The following PCDHA5 variants were observed in gnomAD, a reference collection of about 807,000 sequenced individuals.
PCDHA5 encodes the protein protocadherin alpha 5, also known as protocadherin alpha-5.
A neutral mutation model predicts 61.6 loss-of-function variants in PCDHA5; 43 were observed. The ratio of observed to expected loss-of-function variants is 0.70; its 90% confidence interval spans 0.55 to 0.90. The LOEUF (loss-of-function observed/expected upper bound fraction) is 0.90. Among genes scored for constraint, PCDHA5 ranks in the 40% least tolerant of loss-of-function variants. The pLI is 0.00. For synonymous variants in PCDHA5, 627 were observed against 543.9 expected, an observed-to-expected ratio of 1.15 and a Z score of -2.13; for missense variants, 1,298 against 1,222.7, an observed-to-expected ratio of 1.06 and a Z score of -0.92.
At chr5:140,862,318 A>C (rs2153223303) in intron 1 of PCDHA5, 1 of 317,904 alleles carries the variant, frequency 3.1e-6, no homozygotes, top group African/African-American at 2.2e-5. Context: ...TCATAGCCCT[A>C]ATCAGTGTAA....
chr5:140,916,717 T>C (rs781839792), intron 1 of PCDHA5, among the ~76,000 whole-genome samples: 1 of 151,908 alleles, frequency 6.6e-6, no homozygotes, highest in South Asian at 2.1e-4. Flanking sequence ...AAGGAAGGAG[T>C]GACTTTTGTT....
In PCDHA5 at chr5:140,823,251, G is replaced by A. The variant is rs2150123936; in HGVS notation, c.1476G>A (p.Ser492=). The A allele has an allele frequency of 2.1e-5, 34 of 1,613,318 alleles. No individual in the cohort carries two copies. The highest frequency in any genetic ancestry group is 2.5e-5 in the Non-Finnish European group (29 of 1,179,788). Reference sequence around the variant, plus strand: ...AGGAGAACGCCCTGGTGTCCTACTCGCTGGTGGAGCGGCGGGTGGGCGAGC... The same window carrying A: ...AGGAGAACGCCCTGGTGTCCTACTCACTGGTGGAGCGGCGGGTGGGCGAGC... ...DAQENALVSY[S]LVERRVGERP... The change falls in exon 1 of 4, where the codon TCG becomes TCA. Residue 492 remains serine, a synonymous_variant. Coordinates refer to ENST00000529859, the MANE Select transcript of PCDHA5 (RefSeq NM_018908.3).
chr5:140,928,351 G>A lies in PCDHA5; in HGVS notation c.2353-50598G>A, dbSNP rs201396871. ...CCTTGTCTCTTATGAGCTGTTGGAT[G>A]TTATCTCTGAAGGGCCATCAGCCTC... On this transcript the variant is annotated intron_variant, in intron 1 of 3. Coordinates refer to ENST00000529859, the MANE Select transcript of PCDHA5 (RefSeq NM_018908.3). The A allele has an allele frequency of 1.2e-5, 20 of 1,614,150 alleles. No individual in the cohort carries two copies. In the East Asian group the frequency reaches 4.5e-4, roughly 36 times the overall value.
At chr5:140,891,827 A>G (rs943963989) in intron 1 of PCDHA5, among the ~76,000 whole-genome samples, 1 of 152,212 alleles carries the variant, frequency 6.6e-6, no homozygotes, top group Non-Finnish European at 1.5e-5. Flanking sequence ...ACGGCACTGT[A>G]AAAGGACTTG....
chr5:140,832,681 A>C (rs1347638323), intron 1 of PCDHA5, among the ~76,000 whole-genome samples: 2 of 152,234 alleles, frequency 1.3e-5, no homozygotes, highest in Non-Finnish European at 1.5e-5. Flanking sequence ...GAATCATCGA[A>C]TTAACAAGAC....
At position 140,869,428 on chromosome 5, in the gene PCDHA5, A is replaced by G. The variant is rs781860422; in HGVS notation, c.2352+45301A>G. The G allele has an allele frequency of 9.3e-6, 15 of 1,614,214 alleles. No individual in the cohort carries two copies. In the South Asian group the frequency reaches 1.6e-4, roughly 18 times the overall value. On this transcript the variant is annotated intron_variant, in intron 1 of 3. Transcript: ENST00000529859. The stretch of plus-strand genomic sequence containing the variant: ...GGAGTGCAGCATCCACCTGGAGGTG[A>G]TCGTGGACAGGCCGCTGCAGGTTTT...
intron 1 of PCDHA5, chr5:140,928,283 T>C (rs782493603): frequency 4.3e-6 from 7 of 1,614,178 alleles, no homozygotes; most frequent in Non-Finnish European, 5.1e-6. Flanking sequence ...GGGGCCTCTC[T>C]AGGCCGAGTG....
At chr5:140,928,532 A>G (rs781788985) in intron 1 of PCDHA5, 42 of 1,614,110 alleles carry the variant, frequency 2.6e-5, no homozygotes, top group Middle Eastern at 1.6e-4. Flanking sequence ...TTTGTGGTAG[A>G]TAGGAATGAC....
chr5:140,914,944 C>CT (rs35695909), intron 1 of PCDHA5, among the ~76,000 whole-genome samples: 3,966 of 128,238 alleles, frequency 0.031, 97 homozygotes, highest in Middle Eastern at 0.041. Context: ...GAAAAGTTGT[C>CT]TTTTTTTTTT....
intron 1 of PCDHA5, among the ~76,000 whole-genome samples, chr5:140,881,674 T>C (rs782706305): frequency 5.3e-5 from 8 of 152,254 alleles, no homozygotes; most frequent in Non-Finnish European, 1.0e-4. Context: ...TCTTATGTGA[T>C]TGTTATGTTT....
At chr5:140,942,913 G>T (rs1467978300) in intron 1 of PCDHA5, among the ~76,000 whole-genome samples, 1 of 148,868 alleles carries the variant, frequency 6.7e-6, no homozygotes, top group South Asian at 2.1e-4. Flanking sequence ...TAAGCGTGAA[G>T]AAAAAAAAAA....
rs1767306523 is a variant in PCDHA5 at position 140,822,420 on chromosome 5, TGGA to T, written c.649_651del (p.Gly217del). The T allele has an allele frequency of 6.2e-7, 1 of 1,613,970 alleles. No individual in the cohort carries two copies. Among genetic ancestry groups the T allele is most frequent in the Non-Finnish European group, 8.5e-7 (1 of 1,180,044 alleles). On this transcript the variant is annotated inframe_deletion, in exon 1 of 4. Transcript: ENST00000529859. Reference sequence around the variant, plus strand: ...ACCGTTTATTAGTGATTGCAACTGATGGAGGAAAACCCGAACTAACAGGTACAG... The same window carrying T: ...ACCGTTTATTAGTGATTGCAACTGATGGAAAACCCGAACTAACAGGTACAG...
chr5:140,969,037 C>T (rs1554231375), intron 1 of PCDHA5: 1 of 1,614,158 alleles, frequency 6.2e-7, no homozygotes, highest in South Asian at 1.1e-5. Flanking sequence ...CAGAACTGTA[C>T]AAACAAGCCA....
At chr5:140,875,905 T>A (rs1554168057) in intron 1 of PCDHA5, 1 of 1,614,222 alleles carries the variant, frequency 6.2e-7, no homozygotes, top group Admixed American at 1.7e-5. Flanking sequence ...TGTTTCTGAA[T>A]CTGCGCCTCT....
chr5:140,884,020 G>C (rs61734917), intron 1 of PCDHA5: 236 of 1,613,292 alleles, frequency 1.5e-4, no homozygotes, highest in Non-Finnish European at 1.9e-4. Flanking sequence ...TGCCGCGGTC[G>C]GTGGGTGCAG....
Position 140,848,325 on chromosome 5 carries a change from T to C in PCDHA5, c.2352+24198T>C, listed in dbSNP as rs1279729115. On this transcript the variant is annotated intron_variant, in intron 1 of 3. Transcript: ENST00000529859. Reference sequence around the variant, plus strand: ...TGTCACTCTTTGCCGCGATGTTCTCTCTGAATCCAGACAAATACAGCCCTT... The same window carrying C: ...TGTCACTCTTTGCCGCGATGTTCTCCCTGAATCCAGACAAATACAGCCCTT... The C allele has an allele frequency of 5.0e-6, 4 of 803,094 alleles. 1 individual carries two copies. The highest frequency in any genetic ancestry group is 2.0e-6 in the Non-Finnish European group (1 of 498,510). The allele number at this position is 803,094 out of a possible 1,614,324, so 49.7% of individuals were successfully genotyped here. A position where few individuals can be genotyped will look rare whatever the true frequency, so the allele number is the denominator to read the frequency against.
chr5:140,872,477 A>G (rs968507113), intron 1 of PCDHA5, among the ~76,000 whole-genome samples: 3 of 152,118 alleles, frequency 2.0e-5, no homozygotes, highest in African/African-American at 7.2e-5. Flanking sequence ...AAATTAAAAA[A>G]TTAGCCAGAC....
intron 1 of PCDHA5, among the ~76,000 whole-genome samples, chr5:140,925,950 A>G (rs2082820493): frequency 6.6e-6 from 1 of 152,030 alleles, no homozygotes. Flanking sequence ...GGAGAAGGAG[A>G]AACTGCTATC....
chr5:140,933,159 A>G (rs565076666), intron 1 of PCDHA5, among the ~76,000 whole-genome samples: 67 of 152,098 alleles, frequency 4.4e-4, no homozygotes, highest in African/African-American at 1.3e-3. Flanking sequence ...TTTGTTCCCA[A>G]TTTTAATTGA....
Sources: gnomAD v4.1 joint callset for allele counts (sites outside exome capture counted in the v4.1 genomes callset) on GRCh38, gnomAD v4.1.1 for gene constraint, MANE v1.5 for transcripts, NCBI Gene and HGNC (gene_info 2026-07-23, HGNC 2026-07-21) for gene names.